PBX1: variants seen among roughly 807,000 people sequenced by gnomAD.
PBX1 encodes the protein pre-B-cell leukemia transcription factor 1.
Under a neutral mutation model 53.4 loss-of-function variants are expected in PBX1, and 6 were observed. The ratio of observed to expected loss-of-function variants is 0.11; its 90% CI spans 0.06 to 0.22. The LOEUF is 0.22. Ranked by LOEUF, PBX1 falls within the 10% of genes least tolerant of loss-of-function variation. The pLI, the probability that PBX1 is intolerant of heterozygous loss-of-function variation, is 1.00. For synonymous variants in PBX1, 204 were observed against 212.3 expected (o/e 0.96, Z 0.34); for missense variants, 251 against 551.4 (o/e 0.46, Z 5.46).
chr1:164,800,273 G>A (rs542837803), intron 4 of PBX1, among the ~76,000 whole-genome samples: 2 of 152,244 alleles, frequency 1.3e-5, no homozygotes, highest in African/African-American at 2.4e-5. Flanking sequence ...CCATTTGCTT[G>A]GAAATTGGGA....
intron 2 of PBX1, among the ~76,000 whole-genome samples, chr1:164,694,073 T>TTC (rs1553231655): frequency 6.8e-6 from 1 of 147,362 alleles, no homozygotes; most frequent in Non-Finnish European, 1.5e-5. Flanking sequence ...GCTTTTTTTT[T>TTC]CAATTAACTT....
At chr1:164,626,032 C>A in intron 2 of PBX1, 1 of 1,041,578 alleles carries the variant, frequency 9.6e-7, no homozygotes, top group South Asian at 4.6e-5. Context: ...CTTCTACCTC[C>A]GGGAACCCCG....
rs577835003 is a variant in PBX1 at position 164,672,259 on chromosome 1, C to T, written c.265+108948C>T. Among the ~76,000 whole-genome samples the T allele has an allele frequency of 3.3e-5, 5 of 152,194 alleles. No homozygotes were observed. The East Asian group carries it at 7.7e-4, about 24-fold the overall frequency. ...CTTTTTCCCTTTGATAAGCTGTCAT[C>T]GGTGGGCACTGCTCAGGGGACTTGA... On this transcript the variant is annotated intron_variant, in intron 2 of 8. Transcript: ENST00000420696.
intron 2 of PBX1, among the ~76,000 whole-genome samples, chr1:164,678,146 A>G (rs545046958): frequency 3.1e-4 from 47 of 152,250 alleles, no homozygotes; most frequent in Non-Finnish European, 5.3e-4. Flanking sequence ...GGGTGATCCA[A>G]TGGAATTGTT....
rs926855901 is a variant in PBX1, at chr1:164,800,015, G to A, written c.701+126G>A. The A allele has an allele frequency of 6.0e-6, 5 of 832,486 alleles. No homozygotes were observed. The Admixed American group carries it at 8.2e-5, about 14-fold the overall frequency. The allele number at this position is 832,486 out of a possible 1,614,324, so 51.6% of individuals were successfully genotyped here. Reference sequence around the variant, plus strand: ...AACGCTGAACCAAGTGATACCCTGAGGATGGTTCTGCGAGACTAGATGGGC... The same window carrying A: ...AACGCTGAACCAAGTGATACCCTGAAGATGGTTCTGCGAGACTAGATGGGC... On this transcript the variant is annotated intron_variant, in intron 4 of 8. Coordinates refer to ENST00000420696, the MANE Select transcript of PBX1 (RefSeq NM_002585.4).
chr1:164,795,322 C>G lies in PBX1; in HGVS notation c.510+2584C>G, dbSNP rs551049199. ...GTAAGAAGAGAATGTGGATGTCTTT[C>G]GACAATGGGGTAAGCAGGTTGTCCT... is the stretch of plus-strand genomic sequence containing the variant. On this transcript the variant is annotated intron_variant, in intron 3 of 8. Coordinates refer to ENST00000420696, the MANE Select transcript of PBX1 (RefSeq NM_002585.4). 2.0e-5 allele frequency among the ~76,000 whole-genome samples: 3 copies of G among 152,248 alleles called. No homozygotes were observed. In the South Asian group the frequency reaches 6.2e-4, roughly 32 times the overall value.
At chr1:164,587,121 T>C (rs1655002982) in intron 2 of PBX1, among the ~76,000 whole-genome samples, 1 of 152,242 alleles carries the variant, frequency 6.6e-6, no homozygotes, top group Non-Finnish European at 1.5e-5. Context: ...TTCCCGGTTT[T>C]ACATAACTGG....
chr1:164,606,359 G>A (rs111669334), intron 2 of PBX1, among the ~76,000 whole-genome samples: 2,964 of 152,206 alleles, frequency 0.019, 95 homozygotes, highest in African/African-American at 0.068. Flanking sequence ...GAGTGGTGGT[G>A]GACGCCTGTA....
At chr1:164,587,994 G>A (rs576243243) in intron 2 of PBX1, among the ~76,000 whole-genome samples, 1 of 152,318 alleles carries the variant, frequency 6.6e-6, no homozygotes, top group South Asian at 2.1e-4. Flanking sequence ...CTCATCTTCT[G>A]TGCTGGGATA....
chr1:164,720,044 C>T (rs1215490234), intron 2 of PBX1, among the ~76,000 whole-genome samples: 1 of 152,146 alleles, frequency 6.6e-6, no homozygotes, highest in African/African-American at 2.4e-5. Flanking sequence ...AAATACTTCC[C>T]TACATTTTAT....
At chr1:164,818,938 G>A (rs1670010481) in intron 6 of PBX1, 1 of 152,176 alleles carries the variant, frequency 6.6e-6, no homozygotes, top group Non-Finnish European at 1.5e-5. Context: ...ATTGTTGGGT[G>A]ATTCCACACT....
At position 164,559,997 on chromosome 1, in the gene PBX1, G is replaced by A; in HGVS notation, c.175G>A (p.Asp59Asn). Residue 59 changes from aspartate (D) to asparagine (N), a missense_variant, in exon 1 of 9, where the codon GAT becomes AAT. Around this residue, in one of 4 missense-constraint regions of PBX1, gnomAD observed 63 missense variants for 78.7 expected, o/e 0.80. Transcript: ENST00000420696. ...QIMTITDQSL[D>N]EAQARKHALN... ...TATGACCATCACAGACCAGAGTTTG[G>A]ATGAGGCGCAGGCCAGGTGAGATGG... 6.8e-7 allele frequency: 1 copy of A among 1,461,820 alleles called. No individual in the cohort carries two copies. 90.6% of individuals were successfully genotyped at this position (1,461,820 alleles called of 1,614,324 possible).
Position 164,846,972 on chromosome 1 carries a change from C to T in PBX1, c.*296C>T, listed in dbSNP as rs1018167326. 7.3e-6 allele frequency: 9 copies of T among 1,231,524 alleles called. No individual in the cohort carries two copies. The African/African-American group carries it at 1.2e-4, about 16-fold the overall frequency. 76.3% of individuals were successfully genotyped at this position (1,231,524 alleles called of 1,614,324 possible). A position where few individuals can be genotyped will look rare whatever the true frequency, so the allele number is the denominator to read the frequency against. Reference sequence around the variant, plus strand: ...GCCTCTGTCCTAGACTCCCGGGGTCCCCGCCCTCTCTCATATCACTGAAGG... The same window carrying T: ...GCCTCTGTCCTAGACTCCCGGGGTCTCCGCCCTCTCTCATATCACTGAAGG... On this transcript the variant is annotated 3_prime_UTR_variant, in exon 9 of 9. Coordinates refer to ENST00000420696, the MANE Select transcript of PBX1 (RefSeq NM_002585.4).
chr1:164,852,524 T>C (rs1245471335), downstream of PBX1, among the ~76,000 whole-genome samples: 1 of 152,166 alleles, frequency 6.6e-6, no homozygotes, highest in Non-Finnish European at 1.5e-5. Flanking sequence ...TTCCCATCCA[T>C]AGAGTGGGAT....
intron 2 of PBX1, among the ~76,000 whole-genome samples, chr1:164,686,814 G>A (rs1249731621): frequency 2.0e-5 from 3 of 152,062 alleles, no homozygotes; most frequent in Admixed American, 6.5e-5. Context: ...AAAATTAGCC[G>A]GGTGTGGTGG....
Position 164,846,777 on chromosome 1 carries a change from G to A in PBX1, c.*101G>A, listed in dbSNP as rs1440357469. On this transcript the variant is annotated 3_prime_UTR_variant, in exon 9 of 9. Transcript: ENST00000420696. ...CGCTGAAGCGGTCAGACTGGAGGTC[G>A]AAGCAATCAGCAAACACAATAAGAG... The A allele has an allele frequency of 3.1e-6, 5 of 1,594,694 alleles. No homozygotes were observed. Among genetic ancestry groups the A allele is most frequent in the Non-Finnish European group, 2.6e-6 (3 of 1,170,764 alleles).
At chr1:164,846,545 A>G (rs779018826) in intron 8 of PBX1, 39 bp from the exon 9 acceptor site, 2 of 1,586,362 alleles carry the variant, frequency 1.3e-6, no homozygotes, top group Admixed American at 1.7e-5. Context: ...CAGCCACCCA[A>G]TCTCAGAGGA....
rs1356913441 is a variant in PBX1 at position 164,559,708 on chromosome 1, T to C, written c.-115T>C. ...GGTCTTCTTTTTTCCCCCTTCCCTG[T>C]TTATCCTGAAAAGGATTTGAAGACA... is the stretch of plus-strand genomic sequence containing the variant. On this transcript the variant is annotated 5_prime_UTR_variant, in exon 1 of 9. Transcript: ENST00000420696. 4.2e-6 allele frequency: 3 copies of C among 715,610 alleles called. No homozygotes were observed. The highest frequency in any genetic ancestry group is 6.4e-6 in the Non-Finnish European group (3 of 470,602). 44.3% of individuals were successfully genotyped at this position (715,610 alleles called of 1,614,324 possible). A position where few individuals can be genotyped will look rare whatever the true frequency, so the allele number is the denominator to read the frequency against.
chr1:164,777,501 A>G (rs1667729878), intron 2 of PBX1, among the ~76,000 whole-genome samples: 1 of 152,236 alleles, frequency 6.6e-6, no homozygotes, highest in African/African-American at 2.4e-5. Flanking sequence ...GACTCTGACC[A>G]TAAAGCTAAA....
Sources: allele counts gnomAD v4.1 joint callset (sites outside exome capture counted in the v4.1 genomes callset), GRCh38; gene constraint gnomAD v4.1.1; regional missense constraint gnomAD v4.1.1; transcripts MANE v1.5; gene names NCBI Gene and HGNC (gene_info 2026-07-23, HGNC 2026-07-21).